Variants in SLC35F4 observed in about 807,000 individuals in gnomAD.
SLC35F4 encodes the protein solute carrier family 35 member F4.
Under a neutral mutation model 44.2 loss-of-function variants are expected in SLC35F4, and 24 were observed. The ratio of observed to expected loss-of-function variants is 0.54; its 90% CI spans 0.39 to 0.76. The LOEUF (loss-of-function observed/expected upper bound fraction) is 0.76, where lower values mean the gene tolerates loss of function less well. Among genes scored for constraint, SLC35F4 ranks in the 30% least tolerant of loss-of-function variants. The pLI is 0.00. For missense variants in SLC35F4, 562 were observed against 586.1 expected (o/e 0.96, Z 0.42); for synonymous variants, 238 against 223.6 (o/e 1.06, Z -0.57).
intron 1 of SLC35F4, among the ~76,000 whole-genome samples, chr14:57,660,126 C>T (rs1361508793): frequency 6.6e-6 from 1 of 152,080 alleles, no homozygotes; most frequent in East Asian, 1.9e-4. Context: ...ACCAAATATG[C>T]TTGAGCATCC....
At chr14:57,719,664 A>G (rs1238656188) in intron 1 of SLC35F4, among the ~76,000 whole-genome samples, 1 of 151,334 alleles carries the variant, frequency 6.6e-6, no homozygotes, top group East Asian at 1.9e-4. Context: ...TTAACTTTGT[A>G]TCATGCAACT....
At chr14:57,734,888 T>C (rs925050190) in intron 1 of SLC35F4, among the ~76,000 whole-genome samples, 4 of 152,242 alleles carry the variant, frequency 2.6e-5, no homozygotes, top group African/African-American at 9.6e-5. Flanking sequence ...AGTCCCCATG[T>C]AGCCTTATGC....
chr14:57,653,288 G>A (rs1003119566), intron 1 of SLC35F4, among the ~76,000 whole-genome samples: 2 of 152,132 alleles, frequency 1.3e-5, no homozygotes, highest in Non-Finnish European at 1.5e-5. Flanking sequence ...CATGAAAGAC[G>A]ACTTCAGTGT....
At chr14:57,748,358 C>T (rs770590782) in intron 1 of SLC35F4, among the ~76,000 whole-genome samples, 27 of 152,064 alleles carry the variant, frequency 1.8e-4, no homozygotes, top group Non-Finnish European at 2.9e-4. Flanking sequence ...ATATATTTAC[C>T]GCCACAGTCA....
At chr14:57,899,284 A>T (rs564863109) in intron 1 of SLC35F4, among the ~76,000 whole-genome samples, 1 of 152,200 alleles carries the variant, frequency 6.6e-6, no homozygotes, top group Non-Finnish European at 1.5e-5. Flanking sequence ...CGTTTTTCAC[A>T]TAAGAAGTCT....
intron 1 of SLC35F4, among the ~76,000 whole-genome samples, chr14:57,657,019 G>A (rs1185978508): frequency 2.6e-5 from 4 of 152,194 alleles, no homozygotes; most frequent in African/African-American, 9.7e-5. Flanking sequence ...CTTACACGTG[G>A]CAGGTCTTTA....
At chr14:57,582,428 T>C (rs1390808803) in intron 3 of SLC35F4, among the ~76,000 whole-genome samples, 6 of 152,118 alleles carry the variant, frequency 3.9e-5, no homozygotes, top group Non-Finnish European at 8.8e-5. Flanking sequence ...TCTCAAACTC[T>C]TAAGCTCAGG....
rs538396636 is a variant in SLC35F4 at position 57,790,664 on chromosome 14, G to A, written c.103+75059C>T. Among the ~76,000 whole-genome samples, 15 of 152,212 alleles carry A rather than the reference G, an allele frequency of 9.9e-5. No homozygotes were observed. The South Asian group carries it at 2.7e-3, about 27-fold the overall frequency. Reference sequence around the variant, plus strand: ...AAATTTAATGTAGAATCAAAAAAGAGCCCACATAGCCAAGACAATCCTAAG... The same window carrying A: ...AAATTTAATGTAGAATCAAAAAAGAACCCACATAGCCAAGACAATCCTAAG... On this transcript the variant is annotated intron_variant, in intron 1 of 7. Transcript: ENST00000556826.
chr14:57,678,606 T>C (rs1296428208), intron 1 of SLC35F4, among the ~76,000 whole-genome samples: 1 of 151,654 alleles, frequency 6.6e-6, no homozygotes, highest in Non-Finnish European at 1.5e-5. Context: ...CCCACTACTG[T>C]GCTGTATTCA....
At chr14:57,851,978 G>T (rs1205970723) in intron 1 of SLC35F4, among the ~76,000 whole-genome samples, 1 of 152,166 alleles carries the variant, frequency 6.6e-6, no homozygotes, top group Non-Finnish European at 1.5e-5. Context: ...TTTCAACAAG[G>T]CTTAATCACT....
chr14:57,848,001 G>A (rs778308184), intron 1 of SLC35F4, among the ~76,000 whole-genome samples: 4 of 152,026 alleles, frequency 2.6e-5, no homozygotes, highest in Admixed American at 6.6e-5. Context: ...CCATAAAAAC[G>A]GAAGAATCAG....
In SLC35F4 at chr14:57,798,850, T is replaced by C. The variant is rs142792868; in HGVS notation, c.103+66873A>G. 4.8e-3 allele frequency among the ~76,000 whole-genome samples: 726 copies of C among 152,286 alleles called. 4 individuals are homozygous for C. Among genetic ancestry groups the C allele is most frequent in the African/African-American group, 0.016 (683 of 41,550 alleles). On this transcript the variant is annotated intron_variant, in intron 1 of 7. Transcript: ENST00000556826. Reference sequence around the variant, plus strand: ...TCTTAGGTTTAGCAGCTTAGTTCTGTTTAAAAACTAGATAGAGAGAAGCAG... The same window carrying C: ...TCTTAGGTTTAGCAGCTTAGTTCTGCTTAAAAACTAGATAGAGAGAAGCAG...
At chr14:57,864,493 A>G (rs7155660) in intron 1 of SLC35F4, among the ~76,000 whole-genome samples, 1 of 152,248 alleles carries the variant, frequency 6.6e-6, no homozygotes, top group Admixed American at 6.5e-5. Context: ...TATCTGTGTG[A>G]GAACAGCCCA....
chr14:57,616,451 G>A (rs576680185), intron 1 of SLC35F4, among the ~76,000 whole-genome samples: 3 of 152,302 alleles, frequency 2.0e-5, no homozygotes, highest in East Asian at 3.9e-4. Flanking sequence ...ACTTTGTGAT[G>A]TACATGCTCC....
intron 1 of SLC35F4, among the ~76,000 whole-genome samples, chr14:57,859,795 G>T (rs1030569354): frequency 6.6e-6 from 1 of 152,182 alleles, no homozygotes; most frequent in African/African-American, 2.4e-5. Flanking sequence ...TGATTATAGG[G>T]CAAGGGGAAA....
chr14:57,721,813 C>A (rs1315444406), intron 1 of SLC35F4, among the ~76,000 whole-genome samples: 1 of 152,134 alleles, frequency 6.6e-6, no homozygotes, highest in Non-Finnish European at 1.5e-5. Context: ...CATTGCCTCC[C>A]CAACCCATGC....
chr14:57,825,321 G>T (rs1473470288), intron 1 of SLC35F4, among the ~76,000 whole-genome samples: 2 of 152,134 alleles, frequency 1.3e-5, no homozygotes, highest in African/African-American at 4.8e-5. Context: ...TACATTAAAA[G>T]GGAGAAGGTT....
chr14:57,906,196 T>A (rs1174571841), intron 1 of SLC35F4, among the ~76,000 whole-genome samples: 1 of 152,132 alleles, frequency 6.6e-6, no homozygotes, highest in Non-Finnish European at 1.5e-5. Flanking sequence ...AGTGCAGAAA[T>A]AATAAAAACA....
At chr14:57,807,883 G>A (rs867255788) in intron 1 of SLC35F4, among the ~76,000 whole-genome samples, 1 of 151,472 alleles carries the variant, frequency 6.6e-6, no homozygotes, top group Non-Finnish European at 1.5e-5. Flanking sequence ...CTACATGGCT[G>A]GGGGGCCTCA....
Sources: gnomAD v4.1 joint callset for allele counts (sites outside exome capture counted in the v4.1 genomes callset) on GRCh38, gnomAD v4.1.1 for gene constraint, MANE v1.5 for transcripts, NCBI Gene and HGNC (gene_info 2026-07-23, HGNC 2026-07-21) for gene names.